FAM177B: variants seen among roughly 807,000 people sequenced by gnomAD.
FAM177B encodes the protein family with sequence similarity 177 member B.
A neutral mutation model predicts 16.1 loss-of-function variants in FAM177B; 16 were observed. The observed-to-expected ratio is 0.99, with a 90% CI of 0.67 to 1.51. The LOEUF is 1.51. Among genes scored for constraint, FAM177B ranks in the 40% most tolerant of loss-of-function variants. FAM177B has a pLI of 0.00. For missense variants in FAM177B, 178 were observed against 183.7 expected (o/e 0.97, Z 0.18); for synonymous variants, 56 against 59.9 (o/e 0.93, Z 0.30).
chr1:222,747,249 G>A, intron 4 of FAM177B, 168 bp downstream of exon 4: 1 of 575,686 alleles, frequency 1.7e-6, no homozygotes. Context: ...GCATCCTCAG[G>A]CAGACCCTTC....
intron 2 of FAM177B, among the ~76,000 whole-genome samples, chr1:222,740,874 T>C (rs1658491083): frequency 6.6e-6 from 1 of 151,838 alleles, no homozygotes; most frequent in African/African-American, 2.4e-5. Flanking sequence ...TAATTTTTTG[T>C]ATATTTAGTA....
intron 2 of FAM177B, chr1:222,739,699 A>G (rs1420134807): frequency 2.0e-5 from 3 of 152,362 alleles, no homozygotes; most frequent in Admixed American, 2.0e-4. Context: ...ATCCAAGTGC[A>G]CTGTATGGCC....
At position 222,750,305 on chromosome 1, in the gene FAM177B, C is replaced by G; in HGVS notation, c.*247C>G. ...AATTTCTATATTCAAGCCACCCCAC[C>G]TCAACTCCACCCCTGTGATACAAGT... is the stretch of plus-strand genomic sequence containing the variant. On this transcript the variant is annotated 3_prime_UTR_variant, in exon 6 of 6. Coordinates refer to ENST00000445590, the MANE Select transcript of FAM177B (RefSeq NM_001394345.1). 2 of 1,292,842 alleles carry G rather than the reference C, an allele frequency of 1.5e-6. No individual in the cohort carries two copies. Among genetic ancestry groups the G allele is most frequent in the Admixed American group, 3.6e-5 (1 of 27,814 alleles). The allele number at this position is 1,292,842 out of a possible 1,614,324, so 80.1% of individuals were successfully genotyped here.
rs571531946 is a variant in FAM177B, at chr1:222,746,236, G to A, written c.-15-295G>A. On this transcript the variant is annotated intron_variant, in intron 2 of 5. Transcript: ENST00000445590. ...ATATTTATTGAAATAATTGAGAAAC[G>A]TCTGCAGGATAGTGACCCCTTCCTA... is the stretch of plus-strand genomic sequence containing the variant. Among the ~76,000 whole-genome samples the A allele has an allele frequency of 1.2e-4, 19 of 152,234 alleles. No individual in the cohort carries two copies. In the East Asian group the frequency reaches 2.5e-3, roughly 20 times the overall value.
chr1:222,749,440 C>T (rs371681063), intron 4 of FAM177B, 25 bp from the exon 5 acceptor site: 22 of 1,405,216 alleles, frequency 1.6e-5, no homozygotes, highest in African/African-American at 8.5e-5. Context: ...ATTCAGTTTA[C>T]GCAAGTGCTC....
At chr1:222,739,396 T>C (rs1233861463) in intron 2 of FAM177B, among the ~76,000 whole-genome samples, 3 of 152,182 alleles carry the variant, frequency 2.0e-5, no homozygotes, top group Non-Finnish European at 1.5e-5. Context: ...GTTTCTTCTT[T>C]TCTCACTCTC....
At chr1:222,744,417 A>G (rs1287015312) in intron 2 of FAM177B, among the ~76,000 whole-genome samples, 1 of 151,148 alleles carries the variant, frequency 6.6e-6, no homozygotes, top group Admixed American at 6.6e-5. Context: ...GGTTGCAGTG[A>G]GCCGAGATTG....
At chr1:222,743,787 T>A (rs1470097994) in intron 2 of FAM177B, among the ~76,000 whole-genome samples, 2 of 152,192 alleles carry the variant, frequency 1.3e-5, no homozygotes, top group African/African-American at 4.8e-5. Flanking sequence ...ACCTTAGTTT[T>A]ATGCAGGTGG....
intron 4 of FAM177B, chr1:222,747,297 G>T (rs1658844600): frequency 2.0e-6 from 1 of 504,416 alleles, no homozygotes; most frequent in Non-Finnish European, 3.5e-6. Context: ...TCTTATCTCG[G>T]CCCAAATTTT....
chr1:222,739,360 TCA>T (rs1463396915), intron 2 of FAM177B, among the ~76,000 whole-genome samples: 1 of 152,202 alleles, frequency 6.6e-6, no homozygotes, highest in Non-Finnish European at 1.5e-5. Flanking sequence ...AATCCCTAAA[TCA>T]CAAGTCTCTG....
intron 2 of FAM177B, chr1:222,739,847 G>A (rs1238846007): frequency 6.6e-6 from 1 of 152,116 alleles, no homozygotes; most frequent in African/African-American, 2.4e-5. Flanking sequence ...GTTTCTTTTT[G>A]AAAATGTTTT....
intron 4 of FAM177B, among the ~76,000 whole-genome samples, chr1:222,748,676 TC>T (rs1236752155): frequency 6.6e-6 from 1 of 152,192 alleles, no homozygotes; most frequent in African/African-American, 2.4e-5. Flanking sequence ...TAAAAAGTTA[TC>T]TTCTACACAT....
At chr1:222,741,418 T>C (rs1318879788) in intron 2 of FAM177B, among the ~76,000 whole-genome samples, 1 of 152,158 alleles carries the variant, frequency 6.6e-6, no homozygotes, top group Non-Finnish European at 1.5e-5. Context: ...ACATAGAATT[T>C]CCTATTATTA....
chr1:222,748,172 G>A (rs369747389), intron 4 of FAM177B, among the ~76,000 whole-genome samples: 68 of 152,198 alleles, frequency 4.5e-4, no homozygotes, highest in African/African-American at 1.5e-3. Flanking sequence ...TGGAAGTTAC[G>A]TTGAAAATCC....
intron 4 of FAM177B, 157 bp downstream of exon 4, chr1:222,747,238 C>T (rs1658841935): frequency 3.3e-6 from 2 of 603,228 alleles, no homozygotes; most frequent in East Asian, 2.8e-5. Context: ...CACAGAACTT[C>T]GCATCCTCAG....
At chr1:222,737,794 A>G (rs1658349902) in intron 1 of FAM177B, 110 bp from the exon 2 acceptor site, 1 of 152,230 alleles carries the variant, frequency 6.6e-6, no homozygotes, top group African/African-American at 2.4e-5. Context: ...GGCTGCTGCA[A>G]TAATCTAGGT....
intron 2 of FAM177B, among the ~76,000 whole-genome samples, chr1:222,745,937 G>A (rs544952346): frequency 6.6e-6 from 1 of 152,140 alleles, no homozygotes; most frequent in African/African-American, 2.4e-5. Context: ...AAGAAAATTA[G>A]CCATTACAGT....
At chr1:222,746,346 G>A (rs887279861) in intron 2 of FAM177B, among the ~76,000 whole-genome samples, 185 bp from the exon 3 acceptor site, 4 of 152,116 alleles carry the variant, frequency 2.6e-5, no homozygotes, top group African/African-American at 9.7e-5. Context: ...TCACGTTTTC[G>A]CTATTTATCA....
intron 2 of FAM177B, 70 bp from the exon 3 acceptor site, chr1:222,746,461 A>G: frequency 2.4e-6 from 2 of 840,574 alleles, no homozygotes; most frequent in South Asian, 1.8e-5. Flanking sequence ...TTTACTATCC[A>G]TTGAAAATAA....
Sources: gnomAD v4.1 joint callset for allele counts (sites outside exome capture counted in the v4.1 genomes callset) on GRCh38, gnomAD v4.1.1 for gene constraint, MANE v1.5 for transcripts, NCBI Gene and HGNC (gene_info 2026-07-23, HGNC 2026-07-21) for gene names.